CSMD3: variants seen among roughly 807,000 people sequenced by gnomAD.
CSMD3 encodes the protein CUB and Sushi multiple domains 3.
Under a neutral mutation model 435.2 loss-of-function variants are expected in CSMD3, and 177 were observed. The ratio of observed to expected loss-of-function variants is 0.41; its 90% CI spans 0.36 to 0.46. The LOEUF (loss-of-function observed/expected upper bound fraction) is 0.46, where lower values mean the gene tolerates loss of function less well. Ranked by LOEUF, CSMD3 falls within the 20% of genes least tolerant of loss-of-function variation. The pLI is 0.34. For synonymous variants in CSMD3, 1,656 were observed against 1,520.5 expected (o/e 1.09, Z -2.07); for missense variants, 4,265 against 4,504.6 (o/e 0.95, Z 1.52).
chr8:113,251,503 A>T (rs568372598), intron 3 of CSMD3, among the ~76,000 whole-genome samples: 1 of 151,468 alleles, frequency 6.6e-6, no homozygotes, highest in East Asian at 2.0e-4. Context: ...CACCTTCCTT[A>T]TTAAGACATA....
chr8:113,403,166 G>T (rs186541321), intron 1 of CSMD3, among the ~76,000 whole-genome samples: 21 of 151,232 alleles, frequency 1.4e-4, no homozygotes, highest in Admixed American at 5.9e-4. Flanking sequence ...AGGATTCATC[G>T]TAGTTTTTTA....
chr8:113,111,270 T>G (rs2131596753), intron 4 of CSMD3, among the ~76,000 whole-genome samples: 1 of 152,284 alleles, frequency 6.6e-6, no homozygotes, highest in East Asian at 1.9e-4. Flanking sequence ...CAGCGTGATG[T>G]TTTATAATAT....
chr8:112,510,083 T>C (rs1822947174), intron 28 of CSMD3, among the ~76,000 whole-genome samples: 1 of 152,214 alleles, frequency 6.6e-6, no homozygotes, highest in African/African-American at 2.4e-5. Flanking sequence ...ATATCCAATC[T>C]ATCAAGAAGC....
intron 55 of CSMD3, 32 bp from the exon 56 acceptor site, chr8:112,291,727 T>C: frequency 6.9e-7 from 1 of 1,441,890 alleles, no homozygotes; most frequent in Admixed American, 1.7e-5. Flanking sequence ...AAACATATGT[T>C]TGGAATAATA....
intron 6 of CSMD3, among the ~76,000 whole-genome samples, chr8:112,985,322 C>G (rs1290410064): frequency 1.3e-5 from 2 of 151,802 alleles, no homozygotes; most frequent in Admixed American, 6.6e-5. Context: ...AAGACATATT[C>G]AGAAAACTTC....
At chr8:113,174,544 T>C (rs1197397177) in intron 3 of CSMD3, among the ~76,000 whole-genome samples, 2 of 151,944 alleles carry the variant, frequency 1.3e-5, no homozygotes, top group Admixed American at 1.3e-4. Context: ...ATATGGAAAA[T>C]GATATATCAG....
At chr8:113,291,510 T>C (rs1172659584) in intron 2 of CSMD3, among the ~76,000 whole-genome samples, 2 of 151,932 alleles carry the variant, frequency 1.3e-5, no homozygotes, top group Non-Finnish European at 2.9e-5. Flanking sequence ...TTATGGATTC[T>C]AGATGGAAGA....
intron 13 of CSMD3, among the ~76,000 whole-genome samples, chr8:112,734,763 TAA>T (rs1374577834): frequency 6.6e-6 from 1 of 152,030 alleles, no homozygotes; most frequent in African/African-American, 2.4e-5. Context: ...TAAATGTGAA[TAA>T]GTTACATTTG....
In CSMD3 at chr8:113,062,745, G is replaced by A. The variant is rs183310892; in HGVS notation, c.917+36011C>T. ...AGGTGTAACTGTTGAGGAAAAGCCA[G>A]ACACATTTGTATTGTCTCTTTCTAA... is the stretch of plus-strand genomic sequence containing the variant. On this transcript the variant is annotated intron_variant, in intron 5 of 70. Transcript: ENST00000297405. 1.9e-3 allele frequency among the ~76,000 whole-genome samples: 291 copies of A among 151,816 alleles called. 2 individuals carry two copies. Among genetic ancestry groups the A allele is most frequent in the African/African-American group, 6.7e-3 (279 of 41,504 alleles).
At chr8:113,363,012 C>G (rs1281132765) in intron 1 of CSMD3, among the ~76,000 whole-genome samples, 1 of 152,186 alleles carries the variant, frequency 6.6e-6, no homozygotes, top group African/African-American at 2.4e-5. Flanking sequence ...TACTGACCTT[C>G]TGCTACCATT....
chr8:113,117,311 T>C (rs937065063), intron 4 of CSMD3, among the ~76,000 whole-genome samples: 1 of 152,150 alleles, frequency 6.6e-6, no homozygotes, highest in Admixed American at 6.5e-5. Flanking sequence ...GGCCATGGCT[T>C]CAGCAGGTGT....
Position 113,293,236 on chromosome 8 carries a change from C to CATAT in CSMD3, c.402-14536_402-14533dup, listed in dbSNP as rs34334494. 1.3e-4 allele frequency among the ~76,000 whole-genome samples: 20 copies of CATAT among 149,034 alleles called. No homozygotes were observed. In the East Asian group the frequency reaches 1.4e-3, roughly 10 times the overall value. On this transcript the variant is annotated intron_variant, in intron 2 of 70. Transcript: ENST00000297405. ...GTATACATATATATTTATATATATA[C>CATAT]ATATATATATATGATTCCTATTTTA...
At chr8:112,861,503 G>C (rs1430371810) in intron 10 of CSMD3, among the ~76,000 whole-genome samples, 1 of 151,674 alleles carries the variant, frequency 6.6e-6, no homozygotes, top group African/African-American at 2.4e-5. Flanking sequence ...TATTTTTCAT[G>C]CTGTTTTCTA....
intron 1 of CSMD3, among the ~76,000 whole-genome samples, chr8:113,410,646 A>G (rs996045836): frequency 2.0e-5 from 3 of 151,592 alleles, no homozygotes; most frequent in African/African-American, 7.3e-5. Flanking sequence ...TGTTTTTTAT[A>G]CACCTGTAAT....
chr8:113,237,858 C>T (rs1380481501), intron 3 of CSMD3, among the ~76,000 whole-genome samples: 1 of 151,996 alleles, frequency 6.6e-6, no homozygotes, highest in African/African-American at 2.4e-5. Context: ...GGGCAGATCA[C>T]GAGGTCAGGA....
At chr8:112,534,402 A>G (rs1294552218) in intron 27 of CSMD3, among the ~76,000 whole-genome samples, 1 of 151,996 alleles carries the variant, frequency 6.6e-6, no homozygotes, top group Non-Finnish European at 1.5e-5. Flanking sequence ...ACACCTAAAT[A>G]AACTAGCAAA....
intron 1 of CSMD3, among the ~76,000 whole-genome samples, chr8:113,390,486 C>T (rs2094457008): frequency 6.6e-6 from 1 of 151,824 alleles, no homozygotes; most frequent in African/African-American, 2.4e-5. Context: ...ATCTTCATTA[C>T]AGAGTACATC....
intron 6 of CSMD3, among the ~76,000 whole-genome samples, chr8:113,006,956 C>T (rs1393931484): frequency 6.6e-6 from 1 of 151,946 alleles, no homozygotes; most frequent in African/African-American, 2.4e-5. Flanking sequence ...CATCTTAGGT[C>T]TTAGGCCTGG....
At chr8:112,859,880 T>G (rs2080774859) in intron 10 of CSMD3, among the ~76,000 whole-genome samples, 1 of 151,872 alleles carries the variant, frequency 6.6e-6, no homozygotes, top group African/African-American at 2.4e-5. Flanking sequence ...ATACTGTTTC[T>G]GTTTCTTGCT....
Sources: allele counts gnomAD v4.1 joint callset (sites outside exome capture counted in the v4.1 genomes callset), GRCh38; gene constraint gnomAD v4.1.1; transcripts MANE v1.5; gene names NCBI Gene and HGNC (gene_info 2026-07-23, HGNC 2026-07-21).